Variants in COA6 observed in about 807,000 individuals in gnomAD.
The protein encoded by COA6 is cytochrome c oxidase assembly factor 6.
In COA6, 12 loss-of-function variants were observed where a neutral mutation model predicts 17.1. That is an observed-to-expected ratio of 0.70 (90% CI 0.45 to 1.14). COA6 has a LOEUF of 1.14. COA6 is among the 50% of genes most tolerant of loss of function. The probability of loss-of-function intolerance (pLI) is 0.00; values close to 1 mark genes in which losing one functional copy is unlikely to be tolerated. For synonymous variants in COA6, 90 were observed against 73.4 expected (o/e 1.23, Z -1.16); for missense variants, 246 against 196.5 (o/e 1.25, Z -1.51).
At chr1:234,383,555 T>A (rs1659043001) in intron 2 of COA6, among the ~76,000 whole-genome samples, 168 bp from the exon 3 acceptor site, 1 of 135,872 alleles carries the variant, frequency 7.4e-6, no homozygotes, top group African/African-American at 3.0e-5. Flanking sequence ...AAGAAAAACA[T>A]CATTCATAGT....
chr1:234,381,464 T>C (rs1426640978), intron 2 of COA6, among the ~76,000 whole-genome samples: 1 of 152,182 alleles, frequency 6.6e-6, no homozygotes, highest in East Asian at 1.9e-4. Flanking sequence ...CAGGGACTGC[T>C]GGTGAATTCA....
chr1:234,383,030 AGAAG>A (rs1553268844), intron 2 of COA6, among the ~76,000 whole-genome samples: 12 of 73,258 alleles, frequency 1.6e-4, no homozygotes, highest in African/African-American at 6.3e-4. Flanking sequence ...AGAGAGAGAG[AGAAG>A]GAAGGGAGGG....
At chr1:234,375,100 C>T (rs552966961) in intron 2 of COA6, among the ~76,000 whole-genome samples, 160 of 137,770 alleles carry the variant, frequency 1.2e-3, no homozygotes, top group African/African-American at 4.2e-3. Flanking sequence ...CCAGCCTGGC[C>T]AACATAGTGA....
At chr1:234,375,707 G>A (rs554947561) in intron 2 of COA6, among the ~76,000 whole-genome samples, 13 of 152,300 alleles carry the variant, frequency 8.5e-5, no homozygotes, top group African/African-American at 3.1e-4. Flanking sequence ...TGGCTTGAGT[G>A]TAGTGGCGTG....
intron 2 of COA6, among the ~76,000 whole-genome samples, chr1:234,378,606 G>C (rs1658875590): frequency 6.6e-6 from 1 of 152,218 alleles, no homozygotes; most frequent in Non-Finnish European, 1.5e-5. Context: ...AGGCGCAGTT[G>C]CTCATGCCTG....
At position 234,373,550 on chromosome 1, in the gene COA6, G is replaced by A; in HGVS notation, c.84G>A (p.Glu28=). 6.2e-7 allele frequency: 1 copy of A among 1,611,890 alleles called. No individual in the cohort carries two copies. Among genetic ancestry groups the A allele is most frequent in the Non-Finnish European group, 8.5e-7 (1 of 1,179,346 alleles). ...GGCTGGGGAGGTCTACGCTTCTAGA[G>A]CTTGAGCCAGCGGGGCGACCCTGCA... ...FLRLGRSTLL[E]LEPAGRPCSG... Residue 28 remains glutamate, a synonymous_variant, in exon 1 of 3, where the codon GAG becomes GAA. Coordinates refer to ENST00000366615, the MANE Select transcript of COA6 (RefSeq NM_001206641.3).
rs766949985 is a variant in COA6, at chr1:234,373,621, G to A, written c.155G>A (p.Cys52Tyr). The change falls in exon 1 of 3, where the codon TGC becomes TAC. Residue 52 changes from cysteine to tyrosine, a missense_variant. Transcript: ENST00000366615. ...GCCCTCCACCGCCGGTTGGTGGCCT[G>A]CGTGACAGTTTCCTCCCGTCGACAT... ...HRALHRRLVA[C>Y]VTVSSRRHRK... 6.2e-7 allele frequency: 1 copy of A among 1,613,140 alleles called. No individual in the cohort carries two copies. The highest frequency in any genetic ancestry group is 8.5e-7 in the Non-Finnish European group (1 of 1,179,700).
intron 2 of COA6, among the ~76,000 whole-genome samples, chr1:234,382,378 G>T (rs188639491): frequency 6.6e-6 from 1 of 152,196 alleles, no homozygotes. Context: ...TTACAGATCA[G>T]ACTTCAAACA....
Position 234,374,250 on chromosome 1 carries a change from C to G in COA6, c.233C>G (p.Ala78Gly), listed in dbSNP as rs750330284. Residue 78 changes from alanine (A) to glycine (G), a missense_variant, in exon 2 of 3, where the codon GCA (alanine) becomes GGA (glycine). By Grantham distance (60) the Ala-to-Gly change is moderately conservative (BLOSUM62 0). Transcript: ENST00000366615. ...AACAGCTTCATCGCAGTAGGAATGG[C>G]AGCCCCATCTATGAAGGAAAGACAG... ...RAESFIAVGM[A>G]APSMKERQVC... 27 of 1,612,582 alleles carry G rather than the reference C, an allele frequency of 1.7e-5. No homozygotes were observed. The highest frequency in any genetic ancestry group is 2.3e-5 in the Non-Finnish European group (27 of 1,179,666).
chr1:234,382,758 G>A (rs1053632345), intron 2 of COA6, among the ~76,000 whole-genome samples: 1 of 152,092 alleles, frequency 6.6e-6, no homozygotes, highest in African/African-American at 2.4e-5. Flanking sequence ...GCCTGCCAGC[G>A]CTTTGGGAGG....
rs76026728 is a variant in COA6, at chr1:234,376,414, G to A, written c.372+2025G>A. ...TCCAGGTCACTGCGTCCTAGTCACCGCTAACATGAATTGAGTACATCCTCT... is the reference window on the plus strand; with the variant it reads ...TCCAGGTCACTGCGTCCTAGTCACCACTAACATGAATTGAGTACATCCTCT... On this transcript the variant is annotated intron_variant, in intron 2 of 2. Transcript: ENST00000366615. Among the ~76,000 whole-genome samples the A allele has an allele frequency of 2.8e-3, 422 of 152,240 alleles. 4 individuals carry two copies. The highest frequency in any genetic ancestry group is 8.5e-3 in the African/African-American group (353 of 41,532).
chr1:234,373,839 A>C (rs1385404571), intron 1 of COA6, 161 bp downstream of exon 1: 1 of 1,613,072 alleles, frequency 6.2e-7, no homozygotes, highest in African/African-American at 1.3e-5. Context: ...TACAGCGCTT[A>C]GGTTCGAACA....
At chr1:234,379,244 G>A (rs1658900380) in intron 2 of COA6, among the ~76,000 whole-genome samples, 1 of 152,064 alleles carries the variant, frequency 6.6e-6, no homozygotes, top group Non-Finnish European at 1.5e-5. Context: ...TTAGGAGTAA[G>A]GAGGGAAGTG....
In COA6 at chr1:234,374,359, C is replaced by T. The variant is rs1471465224; in HGVS notation, c.342C>T (p.Ser114=). Residue 114 remains serine, a synonymous_variant, in exon 2 of 3, where the codon AGC becomes AGT. Coordinates refer to ENST00000366615, the MANE Select transcript of COA6 (RefSeq NM_001206641.3). ...EDASQCKKLR[S]SFESSCPQQW... is the part of the protein sequence containing the mutation. ...CTTCTCAATGCAAGAAGTTAAGAAG[C>T]TCTTTCGAATCAAGTTGTCCCCAAC... 5 of 1,614,012 alleles carry T rather than the reference C, an allele frequency of 3.1e-6. No individual in the cohort carries two copies. The South Asian group carries it at 5.5e-5, about 18-fold the overall frequency.
chr1:234,379,623 C>G (rs1369798738), intron 2 of COA6, among the ~76,000 whole-genome samples: 1 of 152,092 alleles, frequency 6.6e-6, no homozygotes, highest in Non-Finnish European at 1.5e-5. Context: ...CTGCCTGAGA[C>G]TGGTTAATTT....
intron 2 of COA6, among the ~76,000 whole-genome samples, chr1:234,379,740 C>T (rs763545546): frequency 7.9e-5 from 12 of 152,166 alleles, no homozygotes; most frequent in Non-Finnish European, 1.5e-5. Context: ...ACCTTCTTCA[C>T]AAGGCGGCAG....
Position 234,383,711 on chromosome 1 carries a change from T to TG in COA6, c.373-12_373-11insG, listed in dbSNP as rs750174735. ...ACTTGCCCTTATTTCAAATCCTTTT[T>TG]TTTTCCAACAGATAAAATATTTTGA... On this transcript the variant is annotated splice_polypyrimidine_tract_variant and intron_variant, in intron 2 of 2. Transcript: ENST00000366615. 7 of 1,191,076 alleles carry TG rather than the reference T, an allele frequency of 5.9e-6. No homozygotes were observed. The highest frequency in any genetic ancestry group is 1.5e-5 in the African/African-American group (1 of 64,924). The allele number at this position is 1,191,076 out of a possible 1,614,324, so 73.8% of individuals were successfully genotyped here.
At chr1:234,376,934 C>A (rs1658816237) in intron 2 of COA6, among the ~76,000 whole-genome samples, 1 of 151,998 alleles carries the variant, frequency 6.6e-6, no homozygotes, top group African/African-American at 2.4e-5. Flanking sequence ...TAACAAAATA[C>A]CTTAGAGAAA....
rs1558124881 is a variant in COA6, at chr1:234,377,073, AGAG to A, written c.372+2685_372+2687del. ...TGCTGTGTTGCCGAGAGAGAGAGAG[AGAG>A]AGAGAGAGAGAGAGAGAGAGAGAGA... On this transcript the variant is annotated intron_variant, in intron 2 of 2. Transcript: ENST00000366615. Among the ~76,000 whole-genome samples, 371 of 98,080 alleles carry A rather than the reference AGAG, an allele frequency of 3.8e-3. 72 individuals are homozygous for A. Among genetic ancestry groups the A allele is most frequent in the East Asian group, 0.03 (89 of 2,926 alleles). 64.3% of individuals were successfully genotyped at this position (98,080 alleles called of 152,430 possible).
Sources: gnomAD v4.1 joint callset for allele counts (sites outside exome capture counted in the v4.1 genomes callset) on GRCh38, gnomAD v4.1.1 for gene constraint, MANE v1.5 for transcripts, NCBI Gene and HGNC (gene_info 2026-07-23, HGNC 2026-07-21) for gene names.